Variants in PPP1R12A observed in about 807,000 individuals in gnomAD.
PPP1R12A encodes the protein protein phosphatase 1 regulatory subunit 12A.
PPP1R12A carries 19 observed loss-of-function variants against 139.6 expected under a neutral mutation model. The observed-to-expected ratio is 0.14, with a 90% CI of 0.09 to 0.20. The LOEUF (loss-of-function observed/expected upper bound fraction) is 0.20, where lower values mean the gene tolerates loss of function less well. Among genes scored for constraint, PPP1R12A ranks in the 10% least tolerant of loss-of-function variants. The pLI is 1.00. For missense variants in PPP1R12A, 925 were observed against 1,211.5 expected (o/e 0.76, Z 3.51); for synonymous variants, 427 against 420.6 (o/e 1.02, Z -0.19).
chr12:79,807,056 C>T, intron 12 of PPP1R12A, 170 bp downstream of exon 12: 1 of 439,916 alleles, frequency 2.3e-6, no homozygotes, highest in Non-Finnish European at 4.0e-6. Context: ...AAATTATCAC[C>T]TATCTTTAAA....
At chr12:79,915,780 T>G (rs1259690203) in intron 1 of PPP1R12A, among the ~76,000 whole-genome samples, 1 of 152,156 alleles carries the variant, frequency 6.6e-6, no homozygotes, top group Non-Finnish European at 1.5e-5. Context: ...TATGTTAGTC[T>G]TCCCTTTGGG....
chr12:79,908,821 G>C (rs1171593219), intron 1 of PPP1R12A, among the ~76,000 whole-genome samples: 2 of 152,116 alleles, frequency 1.3e-5, no homozygotes, highest in African/African-American at 2.4e-5. Flanking sequence ...ATGCCTACAG[G>C]ATTCTCAATT....
intron 3 of PPP1R12A, among the ~76,000 whole-genome samples, chr12:79,834,107 CAGA>C (rs1351293401): frequency 1.3e-5 from 2 of 151,928 alleles, no homozygotes; most frequent in Admixed American, 6.6e-5. Context: ...TATTATATGG[CAGA>C]AGATGATTCA....
chr12:79,814,030 T>C (rs985848894), intron 9 of PPP1R12A, among the ~76,000 whole-genome samples: 2 of 152,176 alleles, frequency 1.3e-5, no homozygotes, highest in Non-Finnish European at 2.9e-5. Flanking sequence ...AATTAGAAAT[T>C]AACAACCTGT....
chr12:79,795,531 G>T (rs951153160), intron 18 of PPP1R12A, 107 bp downstream of exon 18: 29 of 1,166,564 alleles, frequency 2.5e-5, no homozygotes, highest in Non-Finnish European at 3.3e-5. Context: ...GATGATTTAA[G>T]GAATATGAAA....
In PPP1R12A at chr12:79,898,752, T is replaced by C. The variant is rs544127958; in HGVS notation, c.238-25814A>G. On this transcript the variant is annotated intron_variant, in intron 1 of 24. Transcript: ENST00000450142. The stretch of plus-strand genomic sequence containing the variant: ...CCAATTCTTAACCTGCTGTTTCTCC[T>C]ATTACTACTCCCTCCTCCTATAATG... 5.3e-5 allele frequency among the ~76,000 whole-genome samples: 8 copies of C among 152,302 alleles called. No homozygotes were observed. The South Asian group carries it at 1.7e-3, about 32-fold the overall frequency.
chr12:79,823,483 A>C (rs1876384192), intron 5 of PPP1R12A, among the ~76,000 whole-genome samples: 1 of 152,364 alleles, frequency 6.6e-6, no homozygotes, highest in Admixed American at 6.5e-5. Flanking sequence ...GTATTCAGAA[A>C]GGAGCTAATT....
rs140108623 is a variant in PPP1R12A at position 79,841,680 on chromosome 12, A to C, written c.487+3622T>G. On this transcript the variant is annotated intron_variant, in intron 3 of 24. Transcript: ENST00000450142. ...TATCAGATAAAAAATAGGAGCCTTA[A>C]ATGTTTACTTTAAAGAATTACCATT... 5.2e-3 allele frequency among the ~76,000 whole-genome samples: 792 copies of C among 152,314 alleles called. 5 individuals are homozygous for C. Among genetic ancestry groups the C allele is most frequent in the African/African-American group, 0.018 (752 of 41,558 alleles).
Position 79,796,816 on chromosome 12 carries a change from A to C in PPP1R12A, c.2427T>G (p.Ala809=). The C allele has an allele frequency of 4.3e-6, 7 of 1,611,382 alleles. No individual in the cohort carries two copies. Among genetic ancestry groups the C allele is most frequent in the Non-Finnish European group, 5.9e-6 (7 of 1,178,022 alleles). ...TTTCTTTTGTTATTCCTCTGGAGTA[A>C]GCAGAAGTTATGCCTACAAGACTAT... The part of the protein sequence containing the change: ...RPNSLVGITS[A]YSRGITKENE... Residue 809 remains alanine (A), a synonymous_variant, in exon 17 of 25, where the codon GCT becomes GCG. Transcript: ENST00000450142.
intron 2 of PPP1R12A, among the ~76,000 whole-genome samples, chr12:79,865,574 C>T (rs777074904): frequency 3.3e-5 from 5 of 152,114 alleles, no homozygotes; most frequent in African/African-American, 7.2e-5. Flanking sequence ...AAAACCCCAT[C>T]GTCTCAGCCC....
Position 79,786,482 on chromosome 12 carries a change from T to TA in PPP1R12A, c.2803-5dup. ...CAGCTAGAATTTGTTCATAAAGCTATAAAAATTAGGGTAAAAGAACAAATT... is the reference window on the plus strand; with the variant it reads ...CAGCTAGAATTTGTTCATAAAGCTATAAAAAATTAGGGTAAAAGAACAAATT... On this transcript the variant is annotated splice_polypyrimidine_tract_variant and splice_region_variant and intron_variant, in intron 21 of 24. Coordinates refer to ENST00000450142, the MANE Select transcript of PPP1R12A (RefSeq NM_002480.3). The TA allele has an allele frequency of 6.6e-7, 1 of 1,516,906 alleles. No individual in the cohort carries two copies. Among genetic ancestry groups the TA allele is most frequent in the Non-Finnish European group, 8.9e-7 (1 of 1,127,154 alleles). 94.0% of individuals were successfully genotyped at this position (1,516,906 alleles called of 1,614,324 possible).
chr12:79,858,835 T>C (rs1222857615), intron 2 of PPP1R12A, among the ~76,000 whole-genome samples: 2 of 151,810 alleles, frequency 1.3e-5, no homozygotes, highest in Non-Finnish European at 2.9e-5. Flanking sequence ...GTCAGAGAGG[T>C]GACAAGGCAC....
Position 79,912,943 on chromosome 12 carries a change from T to C in PPP1R12A, c.237+21752A>G, listed in dbSNP as rs140520816. 1.6e-3 allele frequency among the ~76,000 whole-genome samples: 248 copies of C among 152,346 alleles called. 1 individual carries two copies. Among genetic ancestry groups the C allele is most frequent in the African/African-American group, 5.8e-3 (240 of 41,586 alleles). On this transcript the variant is annotated intron_variant, in intron 1 of 24. Transcript: ENST00000450142. The stretch of plus-strand genomic sequence containing the variant: ...AAATTTTAAATATATTTGAATACAT[T>C]AGAAATCTCACATACTTCTTACACT...
chr12:79,920,125 A>G (rs1276365496), intron 1 of PPP1R12A, among the ~76,000 whole-genome samples: 1 of 152,130 alleles, frequency 6.6e-6, no homozygotes, highest in East Asian at 1.9e-4. Flanking sequence ...GGAATCATAC[A>G]CCATGTGGTC....
chr12:79,888,152 C>G (rs58341946), intron 1 of PPP1R12A, among the ~76,000 whole-genome samples: 1 of 152,084 alleles, frequency 6.6e-6, no homozygotes, highest in Non-Finnish European at 1.5e-5. Context: ...GACCAGATAC[C>G]TGAATTCACA....
chr12:79,831,040 C>T (rs1194559379), intron 4 of PPP1R12A, among the ~76,000 whole-genome samples: 2 of 152,016 alleles, frequency 1.3e-5, no homozygotes, highest in Non-Finnish European at 2.9e-5. Flanking sequence ...TGGAAGCCAT[C>T]CAGAAACTAT....
At chr12:79,809,482 T>C (rs1874262089) in intron 10 of PPP1R12A, among the ~76,000 whole-genome samples, 1 of 152,104 alleles carries the variant, frequency 6.6e-6, no homozygotes, top group African/African-American at 2.4e-5. Flanking sequence ...TTTTTTAAAC[T>C]TCAGAAAGTT....
intron 1 of PPP1R12A, among the ~76,000 whole-genome samples, chr12:79,909,173 T>C (rs1034459746): frequency 6.6e-6 from 1 of 152,216 alleles, no homozygotes; most frequent in Non-Finnish European, 1.5e-5. Flanking sequence ...GTTGTGACCC[T>C]ACAGTCACAT....
intron 1 of PPP1R12A, among the ~76,000 whole-genome samples, chr12:79,923,368 G>A (rs1403819316): frequency 6.6e-6 from 1 of 152,114 alleles, no homozygotes; most frequent in Non-Finnish European, 1.5e-5. Flanking sequence ...GAAAGGACTA[G>A]GAAAATAAAT....
Sources: gnomAD v4.1 joint callset for allele counts (sites outside exome capture counted in the v4.1 genomes callset) on GRCh38, gnomAD v4.1.1 for gene constraint, MANE v1.5 for transcripts, NCBI Gene and HGNC (gene_info 2026-07-23, HGNC 2026-07-21) for gene names.